Variants in BCAS3 observed in about 807,000 individuals in gnomAD.
BCAS3 encodes the protein BCAS4/BCAS3 fusion.
BCAS3 carries 53 observed loss-of-function variants against 116.1 expected under a neutral mutation model. That is an observed-to-expected ratio of 0.46 (90% CI 0.37 to 0.57). The LOEUF is 0.57. Among genes scored for constraint, BCAS3 ranks in the 20% least tolerant of loss-of-function variants. The pLI is 0.00. For missense variants in BCAS3, 917 were observed against 1,165.4 expected (o/e 0.79, Z 3.10); for synonymous variants, 391 against 408.2 (o/e 0.96, Z 0.51).
At chr17:60,712,382 GA>G (rs568948958) in intron 5 of BCAS3, among the ~76,000 whole-genome samples, 128 of 140,136 alleles carry the variant, frequency 9.1e-4, no homozygotes, top group Non-Finnish European at 1.1e-3. Flanking sequence ...TCTTGGGAAG[GA>G]AAAAAAAAAA....
At position 61,356,052 on chromosome 17, in the gene BCAS3, T is replaced by C. The variant is rs558106293; in HGVS notation, c.2426-12275T>C. Among the ~76,000 whole-genome samples the C allele has an allele frequency of 6.6e-6, 1 of 152,216 alleles. No individual in the cohort carries two copies. Among genetic ancestry groups the C allele is most frequent in the Non-Finnish European group, 1.5e-5 (1 of 68,044 alleles). ...CTCTGTGGCCCAGGCTGGAGTACAATGGCGCAATCTCGGCCCACTGCAACC... is the reference window on the plus strand; with the variant it reads ...CTCTGTGGCCCAGGCTGGAGTACAACGGCGCAATCTCGGCCCACTGCAACC... On this transcript the variant is annotated intron_variant, in intron 22 of 23. Transcript: ENST00000407086. The surrounding 1 kb of genome is among the most constrained non-coding windows in gnomAD (Gnocchi z 5.4).
At chr17:60,790,683 A>C (rs577119237) in intron 6 of BCAS3, among the ~76,000 whole-genome samples, 1 of 151,568 alleles carries the variant, frequency 6.6e-6, no homozygotes, top group African/African-American at 2.4e-5. Context: ...TTATTATATA[A>C]TTCTAAAATA....
chr17:60,941,292 G>C (rs982797742), intron 13 of BCAS3, among the ~76,000 whole-genome samples: 1 of 152,170 alleles, frequency 6.6e-6, no homozygotes, highest in African/African-American at 2.4e-5. Context: ...CATTTGGGGC[G>C]TGGGTTTAGT....
In BCAS3 at chr17:61,344,389, G is replaced by A. The variant is rs185412686; in HGVS notation, c.2426-23938G>A. 9.9e-5 allele frequency among the ~76,000 whole-genome samples: 15 copies of A among 152,174 alleles called. No individual in the cohort carries two copies. The highest frequency in any genetic ancestry group is 3.4e-4 in the African/African-American group (14 of 41,524). Reference sequence around the variant, plus strand: ...TTTAGGCCCAGCTTCATCTTCACGGGGACTTTCTTCCATCTGTGCACTGAT... The same window carrying A: ...TTTAGGCCCAGCTTCATCTTCACGGAGACTTTCTTCCATCTGTGCACTGAT... On this transcript the variant is annotated intron_variant, in intron 22 of 23. Coordinates refer to ENST00000407086, the MANE Select transcript of BCAS3 (RefSeq NM_017679.5). This position sits in a 1 kb window ranked among gnomAD's most constrained non-coding sequence, Gnocchi z 4.1.
intron 19 of BCAS3, among the ~76,000 whole-genome samples, chr17:61,074,204 G>A (rs1390669316): frequency 6.6e-6 from 1 of 150,524 alleles, no homozygotes; most frequent in Non-Finnish European, 1.5e-5. Flanking sequence ...CAACTTTGCT[G>A]TGAACCTAAA....
At chr17:60,893,621 T>TG (rs2057322689) in intron 10 of BCAS3, among the ~76,000 whole-genome samples, 1 of 147,758 alleles carries the variant, frequency 6.8e-6, no homozygotes, top group Non-Finnish European at 1.5e-5. Flanking sequence ...TTTTTTTTTT[T>TG]TTTGCACGAC....
At chr17:60,740,486 G>A (rs1453225868) in intron 5 of BCAS3, among the ~76,000 whole-genome samples, 5 of 137,100 alleles carry the variant, frequency 3.6e-5, no homozygotes, top group Non-Finnish European at 6.1e-5. Context: ...GTGACAGGGT[G>A]AGACCCTGTC....
At chr17:60,970,400 A>T (rs2061894335) in intron 14 of BCAS3, among the ~76,000 whole-genome samples, 1 of 152,196 alleles carries the variant, frequency 6.6e-6, no homozygotes, top group Admixed American at 6.5e-5. Flanking sequence ...ACCATATAGA[A>T]ATTAAATATT....
intron 22 of BCAS3, among the ~76,000 whole-genome samples, chr17:61,102,229 A>G (rs756428100): frequency 3.9e-4 from 59 of 152,298 alleles, no homozygotes; most frequent in Middle Eastern, 6.8e-3. Flanking sequence ...TGTTTTCATG[A>G]AAGAAACCTA....
intron 7 of BCAS3, chr17:60,810,475 G>A (rs951032075): frequency 3.1e-5 from 21 of 676,874 alleles, no homozygotes; most frequent in African/African-American, 1.4e-4. Flanking sequence ...CGTGGAGACC[G>A]GAAACCAGAA....
In BCAS3 at chr17:61,037,739, A is replaced by AAAAAAAAG. The variant is rs928136229; in HGVS notation, c.1763-134_1763-127dup. On this transcript the variant is annotated intron_variant, in intron 17 of 23. Transcript: ENST00000407086. The surrounding 1 kb of genome is among the most constrained non-coding windows in gnomAD (Gnocchi z 4.7). ...GCAGCAAGAGCAAAACTCCATCTCC[A>AAAAAAAAG]AAAAAAAGAAAAAAAGAAAAAAATT... The AAAAAAAAG allele has an allele frequency of 1.3e-6, 1 of 754,586 alleles. No individual in the cohort carries two copies. The allele number at this position is 754,586 out of a possible 1,614,324, so 46.7% of individuals were successfully genotyped here.
At chr17:61,022,791 C>G (rs1054517418) in intron 16 of BCAS3, among the ~76,000 whole-genome samples, 3 of 152,118 alleles carry the variant, frequency 2.0e-5, no homozygotes, top group African/African-American at 7.2e-5. Flanking sequence ...AGGCCTATAT[C>G]ACCGCACCCG....
chr17:61,314,601 G>A (rs540234211), intron 22 of BCAS3, among the ~76,000 whole-genome samples: 26 of 152,320 alleles, frequency 1.7e-4, no homozygotes, highest in Admixed American at 5.9e-4. Flanking sequence ...GTGACTTTGA[G>A]TCTTGCCAAG....
intron 22 of BCAS3, among the ~76,000 whole-genome samples, chr17:61,123,948 CAT>C (rs1174928527): frequency 6.6e-6 from 1 of 152,042 alleles, no homozygotes; most frequent in Non-Finnish European, 1.5e-5. Context: ...GTTTTGTTGC[CAT>C]AGTCTCATGT....
chr17:61,062,520 A>C, intron 19 of BCAS3, among the ~76,000 whole-genome samples: 1 of 152,222 alleles, frequency 6.6e-6, no homozygotes, highest in East Asian at 1.9e-4. Context: ...ATGTACATAC[A>C]GTGCAGTTGT....
At chr17:60,781,157 A>T (rs1408493275) in intron 6 of BCAS3, among the ~76,000 whole-genome samples, 2 of 151,254 alleles carry the variant, frequency 1.3e-5, no homozygotes, top group Non-Finnish European at 2.9e-5. Flanking sequence ...TTTAGTAGAG[A>T]TGGGGTCTCA....
intron 22 of BCAS3, among the ~76,000 whole-genome samples, chr17:61,168,837 C>T (rs1198265468): frequency 6.6e-6 from 1 of 152,142 alleles, no homozygotes; most frequent in Admixed American, 6.5e-5. Flanking sequence ...CTTATGTTCA[C>T]CTCAAATGTG....
In BCAS3 at chr17:61,140,980, G is replaced by A. The variant is rs2076887168; in HGVS notation, c.2425+56416G>A. Among the ~76,000 whole-genome samples the A allele has an allele frequency of 1.3e-5, 2 of 151,946 alleles. No individual in the cohort carries two copies. Among genetic ancestry groups the A allele is most frequent in the South Asian group, 4.1e-4 (2 of 4,820 alleles). On this transcript the variant is annotated intron_variant, in intron 22 of 23. Transcript: ENST00000407086. This position sits in a 1 kb window ranked among gnomAD's most constrained non-coding sequence, Gnocchi z 4.2. ...CCCCAAAAGTATAATAGTGAAATGGGGCAGGCATGAAGCCCGTGAGAGATC... is the reference window on the plus strand; with the variant it reads ...CCCCAAAAGTATAATAGTGAAATGGAGCAGGCATGAAGCCCGTGAGAGATC...
At chr17:61,360,824 G>A (rs560664838) in intron 22 of BCAS3, among the ~76,000 whole-genome samples, 48 of 152,244 alleles carry the variant, frequency 3.2e-4, no homozygotes, top group Non-Finnish European at 6.3e-4. Context: ...ACCCATTGCA[G>A]TGGATAAGGA....
Sources: allele counts gnomAD v4.1 joint callset (sites outside exome capture counted in the v4.1 genomes callset), GRCh38; gene constraint gnomAD v4.1.1; non-coding constraint Gnocchi (gnomAD v3.1); transcripts MANE v1.5; gene names NCBI Gene and HGNC (gene_info 2026-07-23, HGNC 2026-07-21).